TSC22D1: variants seen among roughly 807,000 people sequenced by gnomAD.
TSC22D1 encodes TSC22 domain family protein 1.
Under a neutral mutation model 74.2 loss-of-function variants are expected in TSC22D1, and 9 were observed. The ratio of observed to expected loss-of-function variants is 0.12; its 90% CI spans 0.07 to 0.21. The LOEUF (loss-of-function observed/expected upper bound fraction) is 0.21, where lower values mean the gene tolerates loss of function less well. Ranked by LOEUF, TSC22D1 falls within the 10% of genes least tolerant of loss-of-function variation. The probability of loss-of-function intolerance (pLI) is 1.00; values close to 1 mark genes in which losing one functional copy is unlikely to be tolerated. For missense variants in TSC22D1, 1,427 were observed against 1,304.7 expected, an observed-to-expected ratio of 1.09 and a Z score of -1.44; for synonymous variants, 586 against 492.5, an observed-to-expected ratio of 1.19 and a Z score of -2.51.
intron 1 of TSC22D1, among the ~76,000 whole-genome samples, chr13:44,497,003 A>G (rs191600529): frequency 1.8e-4 from 28 of 152,288 alleles, no homozygotes; most frequent in Non-Finnish European, 3.4e-4. Context: ...ATATATATAT[A>G]TAGCAGTTTC....
chr13:44,518,917 A>T (rs895073484), intron 1 of TSC22D1, among the ~76,000 whole-genome samples: 1 of 152,204 alleles, frequency 6.6e-6, no homozygotes, highest in Non-Finnish European at 1.5e-5. Context: ...TTCTATACTT[A>T]TATCCAAATT....
At chr13:44,571,176 T>A (rs1038723632) in intron 1 of TSC22D1, among the ~76,000 whole-genome samples, 1 of 152,228 alleles carries the variant, frequency 6.6e-6, no homozygotes, top group African/African-American at 2.4e-5. Context: ...TAAACATAAT[T>A]ATAATTGAAT....
At chr13:44,441,419 T>C (rs1566112965) in intron 1 of TSC22D1, among the ~76,000 whole-genome samples, 2 of 152,224 alleles carry the variant, frequency 1.3e-5, no homozygotes, top group Non-Finnish European at 1.5e-5. Context: ...GCTCATAAAA[T>C]ATACATGACC....
chr13:44,577,305 T>G (rs905869867), upstream of TSC22D1: 2 of 151,896 alleles, frequency 1.3e-5, no homozygotes, highest in Non-Finnish European at 2.9e-5. Context: ...CTCCACCGTA[T>G]CCCCCAGTCT....
intron 1 of TSC22D1, 69 bp downstream of exon 1, chr13:44,573,094 T>C (rs1883884337): frequency 1.3e-6 from 2 of 1,533,562 alleles, no homozygotes; most frequent in African/African-American, 1.4e-5. Flanking sequence ...ATTTTGTGCA[T>C]ACATATAGCT....
upstream of TSC22D1, chr13:44,576,346 A>AC (rs1260148287): frequency 7.0e-6 from 3 of 426,934 alleles, no homozygotes; most frequent in East Asian, 3.7e-5. Flanking sequence ...CTAGCCTCAC[A>AC]CCCCCCTTTA....
intron 1 of TSC22D1, among the ~76,000 whole-genome samples, chr13:44,444,463 A>C (rs893980312): frequency 1.2e-4 from 18 of 151,980 alleles, no homozygotes; most frequent in African/African-American, 3.9e-4. Flanking sequence ...ATAAAAACAC[A>C]AATAGGTACA....
intron 1 of TSC22D1, among the ~76,000 whole-genome samples, chr13:44,457,637 C>CAAAAAAAAAAAAAAAAAA (rs10692086): frequency 8.2e-5 from 7 of 85,416 alleles, no homozygotes; most frequent in East Asian, 3.8e-4. Context: ...AAGCAAATAG[C>CAAAAAAAAAAAAAAAAAA]AAAAAAAAAA....
At position 44,574,521 on chromosome 13, in the gene TSC22D1, T is replaced by A. The variant is rs779665151; in HGVS notation, c.1554A>T (p.Gln518His). 2.6e-5 allele frequency: 42 copies of A among 1,614,048 alleles called. No individual in the cohort carries two copies. In the Admixed American group the frequency reaches 6.7e-4, roughly 26 times the overall value. Residue 518 changes from glutamine (Q) to histidine (H), a missense_variant, in exon 1 of 3, where the codon CAA (glutamine) becomes CAT (histidine). By Grantham distance (24) the Gln-to-His change is conservative. Around this residue, in one of 3 missense-constraint regions of TSC22D1, gnomAD observed 1,343 missense variants for 1,191.5 expected, o/e 1.13. Transcript: ENST00000458659. ...QQPALQGVTLQQMDFGSTGPQ... is the reference protein window; with the variant it reads ...QQPALQGVTLHQMDFGSTGPQ... ...GACCAGTGCTACCAAAATCCATCTGTTGGAGGGTCACACCTTGGAGAGCTG... is the reference window on the plus strand; with the variant it reads ...GACCAGTGCTACCAAAATCCATCTGATGGAGGGTCACACCTTGGAGAGCTG...
rs75608284 is a variant in TSC22D1 at position 44,443,546 on chromosome 13, A to C, written c.2913-7451T>G. The stretch of plus-strand genomic sequence containing the variant: ...CAAAAACTTTTCCCCCTTAGTATTT[A>C]AATCTAAGATAACTGACTGTTGCCA... On this transcript the variant is annotated intron_variant, in intron 1 of 2. Coordinates refer to ENST00000458659, the MANE Select transcript of TSC22D1 (RefSeq NM_183422.4). Among the ~76,000 whole-genome samples the C allele has an allele frequency of 7.1e-3, 1,077 of 152,314 alleles. 13 individuals carry two copies. The highest frequency in any genetic ancestry group is 0.024 in the African/African-American group (1,000 of 41,576).
At chr13:44,470,602 C>T (rs181997321) in intron 1 of TSC22D1, among the ~76,000 whole-genome samples, 105 of 152,226 alleles carry the variant, frequency 6.9e-4, no homozygotes, top group African/African-American at 2.4e-3. Context: ...GCTACCTTTA[C>T]GATACTGGTG....
chr13:44,551,389 G>GGTGGGGGTGTGTGTGTGTGTGTGT (rs1298469090), intron 1 of TSC22D1, among the ~76,000 whole-genome samples: 1 of 125,252 alleles, frequency 8.0e-6, no homozygotes, highest in African/African-American at 3.1e-5. Context: ...CAATCAGATG[G>GGTGGGGGTGTGTGTGTGTGTGTGT]GTGTGTGTGT....
At chr13:44,489,908 GTGGAACAGC>G (rs1240798217) in intron 1 of TSC22D1, among the ~76,000 whole-genome samples, 1 of 152,074 alleles carries the variant, frequency 6.6e-6, no homozygotes, top group Non-Finnish European at 1.5e-5. Context: ...TGGATGGAAT[GTGGAACAGC>G]TGGAACATTC....
intron 1 of TSC22D1, among the ~76,000 whole-genome samples, chr13:44,471,804 T>C (rs932281144): frequency 6.6e-6 from 1 of 152,204 alleles, no homozygotes; most frequent in Non-Finnish European, 1.5e-5. Context: ...GAGTCCTCCC[T>C]TATCTGTGGT....
chr13:44,562,285 C>T (rs1883097630), intron 1 of TSC22D1, among the ~76,000 whole-genome samples: 1 of 152,086 alleles, frequency 6.6e-6, no homozygotes, highest in South Asian at 2.1e-4. Context: ...CAGCAATCAA[C>T]CTGCCTCAGC....
intron 1 of TSC22D1, among the ~76,000 whole-genome samples, chr13:44,461,053 A>G (rs540730874): frequency 9.8e-5 from 15 of 152,356 alleles, no homozygotes; most frequent in African/African-American, 3.1e-4. Flanking sequence ...GAAATGCAAA[A>G]CAATACTTTT....
chr13:44,439,533 C>T (rs1875019360), intron 1 of TSC22D1, among the ~76,000 whole-genome samples: 1 of 152,206 alleles, frequency 6.6e-6, no homozygotes, highest in Non-Finnish European at 1.5e-5. Context: ...ATCCATATGT[C>T]TGGTGCCTCA....
chr13:44,446,142 C>A (rs1016472013), intron 1 of TSC22D1, among the ~76,000 whole-genome samples: 3 of 152,250 alleles, frequency 2.0e-5, no homozygotes, highest in South Asian at 2.1e-4. Flanking sequence ...GATAAACAAA[C>A]CATGGTACAT....
At chr13:44,440,276 A>G (rs1411872367) in intron 1 of TSC22D1, among the ~76,000 whole-genome samples, 2 of 152,220 alleles carry the variant, frequency 1.3e-5, no homozygotes, top group East Asian at 1.9e-4. Context: ...AAAGCTTCCA[A>G]AAGAGTAGAA....
Sources: allele counts gnomAD v4.1 joint callset (sites outside exome capture counted in the v4.1 genomes callset), GRCh38; gene constraint gnomAD v4.1.1; regional missense constraint gnomAD v4.1.1; transcripts MANE v1.5; gene names NCBI Gene and HGNC (gene_info 2026-07-23, HGNC 2026-07-21).